The following SVOPL variants were observed in gnomAD, a reference collection of about 807,000 sequenced individuals.
SVOPL encodes the protein SVOP like.
Under a neutral mutation model 61.0 loss-of-function variants are expected in SVOPL, and 60 were observed. That is an observed-to-expected ratio of 0.98 (90% CI 0.80 to 1.22). SVOPL has a LOEUF of 1.22. Ranked by LOEUF, SVOPL falls within the 50% of genes most tolerant of loss-of-function variation. The pLI is 0.00. For missense variants in SVOPL, 662 were observed against 643.9 expected, an observed-to-expected ratio of 1.03 and a Z score of -0.30; for synonymous variants, 279 against 250.0, an observed-to-expected ratio of 1.12 and a Z score of -1.09.
intron 7 of SVOPL, among the ~76,000 whole-genome samples, chr7:138,653,072 C>T (rs1462884873): frequency 6.6e-6 from 1 of 152,186 alleles, no homozygotes; most frequent in East Asian, 1.9e-4. Context: ...AAAGCCTAAT[C>T]CACAGCAAGG....
chr7:138,685,875 A>AAAAAT (rs1304050529), intron 1 of SVOPL, among the ~76,000 whole-genome samples: 1 of 151,096 alleles, frequency 6.6e-6, no homozygotes, highest in East Asian at 1.9e-4. Flanking sequence ...GTCTCAAAAA[A>AAAAAT]AAAATAAAAT....
At chr7:138,633,726 C>CA (rs1380683812) in intron 9 of SVOPL, among the ~76,000 whole-genome samples, 4 of 151,978 alleles carry the variant, frequency 2.6e-5, no homozygotes, top group Non-Finnish European at 5.9e-5. Context: ...AATACCTTAC[C>CA]AAAATACAAT....
chr7:138,661,393 G>C, intron 5 of SVOPL: 2 of 985,374 alleles, frequency 2.0e-6, no homozygotes, highest in Non-Finnish European at 2.4e-6. Flanking sequence ...CCATCAACTT[G>C]AGAGAGAAAA....
chr7:138,603,989 G>C lies in SVOPL; in HGVS notation c.1354-7459C>G, dbSNP rs531543549. ...TTTTTTTTTTTTTTTCATTGAGACA[G>C]CGTCTCACTCTGTTGCCCAAGCTGA... On this transcript the variant is annotated intron_variant, in intron 14 of 15. Transcript: ENST00000674285. Among the ~76,000 whole-genome samples, 20 of 124,490 alleles carry C rather than the reference G, an allele frequency of 1.6e-4. 1 individual carries two copies. The South Asian group carries it at 4.6e-3, about 28-fold the overall frequency. The allele number at this position is 124,490 out of a possible 152,430, so 81.7% of individuals were successfully genotyped here.
chr7:138,622,042 C>G (rs972714880), intron 13 of SVOPL, among the ~76,000 whole-genome samples: 8 of 73,786 alleles, frequency 1.1e-4, no homozygotes, highest in Non-Finnish European at 1.6e-4. Context: ...ATCTATGTAT[C>G]TATCTATCTA....
chr7:138,655,646 ATATAT>A (rs71179718), intron 7 of SVOPL, among the ~76,000 whole-genome samples: 114,755 of 148,388 alleles, frequency 0.77, 44,970 homozygotes, highest in Middle Eastern at 0.86. Flanking sequence ...ACTATTATAT[ATATAT>A]TATACTAATA....
At chr7:138,619,173 CAAGGCAGGAGGATGGCCTA>C (rs1403293890) in intron 14 of SVOPL, among the ~76,000 whole-genome samples, 6 of 152,148 alleles carry the variant, frequency 3.9e-5, no homozygotes, top group African/African-American at 7.2e-5. Flanking sequence ...TTTGGAAGGA[CAAGGCAGGAGGATGGCCTA>C]AACCCAGAAG....
At chr7:138,685,914 G>A (rs1802799992) in intron 1 of SVOPL, among the ~76,000 whole-genome samples, 1 of 151,904 alleles carries the variant, frequency 6.6e-6, no homozygotes, top group African/African-American at 2.4e-5. Flanking sequence ...AAAGGCTAGA[G>A]GAAACGTTTG....
intron 10 of SVOPL, 141 bp downstream of exon 10, chr7:138,629,908 A>C (rs1300063190): frequency 9.0e-6 from 6 of 664,106 alleles, no homozygotes; most frequent in Non-Finnish European, 1.6e-5. Flanking sequence ...GTTTGTAGAA[A>C]GACAAAACAT....
At chr7:138,648,847 G>C (rs1801271725) in intron 8 of SVOPL, among the ~76,000 whole-genome samples, 165 bp downstream of exon 8, 1 of 152,174 alleles carries the variant, frequency 6.6e-6, no homozygotes, top group African/African-American at 2.4e-5. Context: ...ACCTGAACCT[G>C]GGAGGCAGAG....
intron 7 of SVOPL, among the ~76,000 whole-genome samples, chr7:138,650,129 A>G (rs1801348359): frequency 1.3e-5 from 2 of 152,152 alleles, no homozygotes; most frequent in Admixed American, 6.6e-5. Context: ...TGCATCCAGC[A>G]AAATTCTTAT....
rs568294904 is a variant in SVOPL at position 138,662,997 on chromosome 7, A to C, written c.345+77T>G. 33 of 1,603,000 alleles carry C rather than the reference A, an allele frequency of 2.1e-5. No homozygotes were observed. In the African/African-American group the frequency reaches 4.2e-4, roughly 20 times the overall value. On this transcript the variant is annotated intron_variant, in intron 5 of 15. Coordinates refer to ENST00000674285, the MANE Select transcript of SVOPL (RefSeq NM_001139456.2). The stretch of plus-strand genomic sequence containing the variant: ...GTATTGGGAGGGAGATGCCTACTAA[A>C]GAGAAACAGTGATAAGGTTGCCCCC...
chr7:138,643,167 C>T (rs763141345), intron 9 of SVOPL, among the ~76,000 whole-genome samples: 23 of 151,908 alleles, frequency 1.5e-4, no homozygotes, highest in Non-Finnish European at 2.5e-4. Flanking sequence ...TGGCTCACGC[C>T]TGTAATCCCA....
In SVOPL at chr7:138,601,149, G is replaced by A. The variant is rs192968120; in HGVS notation, c.1354-4619C>T. ...CACCTGTAGTCCCAGCTACTTGGGA[G>A]GCTGAGGTAGGAGAATGGCGTGAAT... On this transcript the variant is annotated intron_variant, in intron 14 of 15. Coordinates refer to ENST00000674285, the MANE Select transcript of SVOPL (RefSeq NM_001139456.2). 8.4e-4 allele frequency among the ~76,000 whole-genome samples: 128 copies of A among 152,050 alleles called. 1 individual carries two copies. The East Asian group carries it at 0.023, about 27-fold the overall frequency.
intron 3 of SVOPL, among the ~76,000 whole-genome samples, chr7:138,675,861 C>CA (rs1364934604): frequency 6.6e-6 from 1 of 152,104 alleles, no homozygotes; most frequent in Non-Finnish European, 1.5e-5. Context: ...CTTCCACCCC[C>CA]AAAGTCTTGC....
At chr7:138,676,648 C>T (rs938388785) in intron 3 of SVOPL, among the ~76,000 whole-genome samples, 16 of 152,156 alleles carry the variant, frequency 1.1e-4, no homozygotes, top group Non-Finnish European at 1.9e-4. Flanking sequence ...CTTAAAGGAT[C>T]TGAAAATATG....
At chr7:138,692,495 C>T (rs1167600966) in intron 1 of SVOPL, among the ~76,000 whole-genome samples, 1 of 152,022 alleles carries the variant, frequency 6.6e-6, no homozygotes, top group Non-Finnish European at 1.5e-5. Context: ...TTTCAGATTG[C>T]CATTTCTTAT....
intron 14 of SVOPL, among the ~76,000 whole-genome samples, chr7:138,610,128 T>A (rs146830766): frequency 4.0e-4 from 61 of 152,320 alleles, no homozygotes; most frequent in African/African-American, 1.4e-3. Flanking sequence ...ATACATACAA[T>A]GAAATATTTT....
chr7:138,611,341 G>A (rs1276167937), intron 14 of SVOPL, among the ~76,000 whole-genome samples: 1 of 152,248 alleles, frequency 6.6e-6, no homozygotes, highest in East Asian at 1.9e-4. Context: ...TCGCACCATT[G>A]CACTCCAGCC....
Sources: gnomAD v4.1 joint callset for allele counts (sites outside exome capture counted in the v4.1 genomes callset) on GRCh38, gnomAD v4.1.1 for gene constraint, MANE v1.5 for transcripts, NCBI Gene and HGNC (gene_info 2026-07-23, HGNC 2026-07-21) for gene names.